ADGRF5: variants seen among roughly 807,000 people sequenced by gnomAD.
The protein encoded by ADGRF5 is adhesion G protein-coupled receptor F5, also known as G-protein coupled receptor 116.
A neutral mutation model predicts 132.3 loss-of-function variants in ADGRF5; 75 were observed. The ratio of observed to expected loss-of-function variants is 0.57; its 90% CI spans 0.47 to 0.69. The LOEUF is 0.69. ADGRF5 is among the 30% of genes least tolerant of loss of function. The pLI is 0.00. For synonymous variants in ADGRF5, 629 were observed against 597.6 expected, an observed-to-expected ratio of 1.05 and a Z score of -0.77; for missense variants, 1,516 against 1,630.6, an observed-to-expected ratio of 0.93 and a Z score of 1.21.
intron 1 of ADGRF5, among the ~76,000 whole-genome samples, chr6:46,941,480 G>C (rs776422798): frequency 1.7e-5 from 2 of 118,646 alleles, no homozygotes; most frequent in Non-Finnish European, 3.7e-5. Flanking sequence ...GAAAAGAAAA[G>C]AAAAGAAAGA....
chr6:46,893,058 ATTTTTTTTTTT>A lies in ADGRF5; in HGVS notation c.158-4564_158-4554del, dbSNP rs35014340. On this transcript the variant is annotated intron_variant, in intron 3 of 20. Transcript: ENST00000283296. ...GGCAAGAGTGATGGGGACAACAGGG[ATTTTTTTTTTT>A]TTTTTTTTTTTTTTTGTAGAATGGT... is the stretch of plus-strand genomic sequence containing the variant. Among the ~76,000 whole-genome samples, 15 of 86,734 alleles carry A rather than the reference ATTTTTTTTTTT, an allele frequency of 1.7e-4. No individual in the cohort carries two copies. The East Asian group carries it at 4.2e-3, about 24-fold the overall frequency. The allele number at this position is 86,734 out of a possible 152,430, so 56.9% of individuals were successfully genotyped here.
intron 1 of ADGRF5, among the ~76,000 whole-genome samples, chr6:46,938,660 C>T (rs1561836908): frequency 1.3e-5 from 2 of 152,142 alleles, no homozygotes; most frequent in Non-Finnish European, 2.9e-5. Context: ...TGTCCCCTGA[C>T]CAGGACTTCT....
Position 46,856,782 on chromosome 6 carries a change from A to G in ADGRF5, c.3817-5T>C, listed in dbSNP as rs200053881. On this transcript the variant is annotated splice_polypyrimidine_tract_variant and splice_region_variant and intron_variant, in intron 18 of 20. Transcript: ENST00000283296. ...ATTCAGCAAAGCTTCCTGTACCTGCATTGTTAAAAAGAAGCTATCGTAACT... is the reference window on the plus strand; with the variant it reads ...ATTCAGCAAAGCTTCCTGTACCTGCGTTGTTAAAAAGAAGCTATCGTAACT... The G allele has an allele frequency of 1.0e-4, 161 of 1,595,602 alleles. 1 individual carries two copies. The highest frequency in any genetic ancestry group is 7.8e-5 in the Non-Finnish European group (91 of 1,165,020).
chr6:46,856,650 G>A (rs1769081132), intron 19 of ADGRF5, 68 bp downstream of exon 19: 1 of 994,018 alleles, frequency 1.0e-6, no homozygotes, highest in East Asian at 2.4e-5. Flanking sequence ...TTAGTACTCT[G>A]TACTTCAGAA....
chr6:46,945,975 A>T (rs1163751951), intron 1 of ADGRF5, among the ~76,000 whole-genome samples: 2 of 152,202 alleles, frequency 1.3e-5, no homozygotes, highest in South Asian at 2.1e-4. Flanking sequence ...TGCCCTCATG[A>T]TTCAAATATC....
At chr6:46,888,625 C>G (rs1453448021) in intron 3 of ADGRF5, 120 bp from the exon 4 acceptor site, 12 of 690,060 alleles carry the variant, frequency 1.7e-5, no homozygotes, top group Non-Finnish European at 3.0e-5. Flanking sequence ...GTCTATCAAC[C>G]CTTAGGAATT....
chr6:46,948,674 A>C (rs2113843791), intron 1 of ADGRF5, among the ~76,000 whole-genome samples: 1 of 152,308 alleles, frequency 6.6e-6, no homozygotes, highest in African/African-American at 2.4e-5. Context: ...TACGGGTGAG[A>C]TTTAGATCCT....
At chr6:46,947,843 A>G (rs1156428202) in intron 1 of ADGRF5, among the ~76,000 whole-genome samples, 1 of 152,218 alleles carries the variant, frequency 6.6e-6, no homozygotes, top group Admixed American at 6.5e-5. Flanking sequence ...GGACCTGGAC[A>G]TCCACCTGCC....
At chr6:46,870,066 C>T (rs1770879805) in intron 11 of ADGRF5, among the ~76,000 whole-genome samples, 1 of 152,084 alleles carries the variant, frequency 6.6e-6, no homozygotes, top group Admixed American at 6.5e-5. Flanking sequence ...AAACACCATT[C>T]ACTTCAGTCT....
intron 5 of ADGRF5, 33 bp downstream of exon 5, chr6:46,884,062 C>T: frequency 6.4e-7 from 1 of 1,551,144 alleles, no homozygotes; most frequent in East Asian, 2.2e-5. Flanking sequence ...GTTGAATAGC[C>T]ACTCAACGAG....
At chr6:46,865,456 C>T (rs1770307028) in intron 13 of ADGRF5, among the ~76,000 whole-genome samples, 1 of 152,222 alleles carries the variant, frequency 6.6e-6, no homozygotes, top group Non-Finnish European at 1.5e-5. Flanking sequence ...CAGCATTCCA[C>T]AAATCCTTCT....
At chr6:46,932,312 C>T (rs1014298619) in intron 1 of ADGRF5, among the ~76,000 whole-genome samples, 4 of 152,176 alleles carry the variant, frequency 2.6e-5, no homozygotes, top group South Asian at 2.1e-4. Flanking sequence ...CAAACTAAAA[C>T]GCTAGGTAAC....
At chr6:46,901,206 A>G (rs951718297) in intron 2 of ADGRF5, among the ~76,000 whole-genome samples, 30 of 152,160 alleles carry the variant, frequency 2.0e-4, no homozygotes, top group Admixed American at 7.2e-4. Flanking sequence ...TCATGGGATC[A>G]CCACCAGCTC....
At chr6:46,944,203 G>T (rs1290005347) in intron 1 of ADGRF5, among the ~76,000 whole-genome samples, 2 of 152,218 alleles carry the variant, frequency 1.3e-5, no homozygotes, top group Non-Finnish European at 2.9e-5. Context: ...AAACCGTTCA[G>T]ATCATCAGCC....
intron 1 of ADGRF5, among the ~76,000 whole-genome samples, chr6:46,940,387 T>C (rs1582072989): frequency 6.6e-6 from 1 of 152,338 alleles, no homozygotes; most frequent in South Asian, 2.1e-4. Context: ...AAGAAGCACA[T>C]AGGGCCTCTT....
chr6:46,869,162 T>C (rs780253217), intron 11 of ADGRF5, 70 bp from the exon 12 acceptor site: 1 of 1,548,644 alleles, frequency 6.5e-7, no homozygotes, highest in African/African-American at 1.4e-5. Context: ...TCTGGGGACA[T>C]TAACATATGA....
intron 1 of ADGRF5, among the ~76,000 whole-genome samples, chr6:46,910,448 G>A (rs543730759): frequency 6.6e-6 from 1 of 152,200 alleles, no homozygotes; most frequent in South Asian, 2.1e-4. Flanking sequence ...CTTACTGGGT[G>A]CTCACTATAT....
intron 1 of ADGRF5, among the ~76,000 whole-genome samples, chr6:46,910,274 G>A (rs1775808090): frequency 6.6e-6 from 1 of 152,122 alleles, no homozygotes; most frequent in African/African-American, 2.4e-5. Flanking sequence ...AATAATTGCT[G>A]GTGGTTATTA....
At chr6:46,897,523 T>C (rs220705) in intron 3 of ADGRF5, among the ~76,000 whole-genome samples, 137,574 of 152,204 alleles carry the variant, frequency 0.9, 62,370 homozygotes, top group African/African-American at 0.97. Context: ...TGGCATCCTG[T>C]TGAAGGTAAC....
Sources: allele counts gnomAD v4.1 joint callset (sites outside exome capture counted in the v4.1 genomes callset), GRCh38; gene constraint gnomAD v4.1.1; transcripts MANE v1.5; gene names NCBI Gene and HGNC (gene_info 2026-07-23, HGNC 2026-07-21).